The following MTA3 variants were observed in gnomAD, a reference collection of about 807,000 sequenced individuals.
MTA3 encodes metastasis associated 1 family member 3, also known as metastasis-associated protein MTA3.
MTA3 carries 34 observed loss-of-function variants against 83.5 expected under a neutral mutation model. The ratio of observed to expected loss-of-function variants is 0.41; its 90% CI spans 0.31 to 0.54. The LOEUF is 0.54. Among genes scored for constraint, MTA3 ranks in the 20% least tolerant of loss-of-function variants. The pLI is 0.33. For synonymous variants in MTA3, 303 were observed against 252.7 expected (o/e 1.20, Z -1.89); for missense variants, 761 against 726.4 (o/e 1.05, Z -0.55).
intron 4 of MTA3, among the ~76,000 whole-genome samples, chr2:42,639,178 A>C (rs915166129): frequency 2.0e-5 from 3 of 151,200 alleles, no homozygotes; most frequent in African/African-American, 7.3e-5. Context: ...CTCCTGCCTC[A>C]GCCCCCTGAG....
intron 2 of MTA3, among the ~76,000 whole-genome samples, chr2:42,503,798 C>T (rs1674503078): frequency 6.6e-6 from 1 of 151,952 alleles, no homozygotes; most frequent in South Asian, 2.1e-4. Context: ...TCCCTTTGGC[C>T]CAGGAGTTCG....
chr2:42,622,088 AC>A (rs1384745848), intron 4 of MTA3, among the ~76,000 whole-genome samples: 1 of 152,158 alleles, frequency 6.6e-6, no homozygotes, highest in Non-Finnish European at 1.5e-5. Context: ...AGCCGAGATC[AC>A]GCCACTGCAC....
intron 2 of MTA3, among the ~76,000 whole-genome samples, chr2:42,508,659 A>G (rs1674750114): frequency 6.6e-6 from 1 of 151,530 alleles, no homozygotes; most frequent in Non-Finnish European, 1.5e-5. Flanking sequence ...ATGATGTGCC[A>G]ATAACGTAGT....
In MTA3 at chr2:42,504,429, T is replaced by C. The variant is rs531021002; in HGVS notation, c.-141+9175T>C. Among the ~76,000 whole-genome samples the C allele has an allele frequency of 3.1e-3, 471 of 152,134 alleles. 1 individual carries two copies. Among genetic ancestry groups the C allele is most frequent in the Non-Finnish European group, 4.0e-3 (275 of 67,984 alleles). The stretch of plus-strand genomic sequence containing the variant: ...TAATATTTTGTATTTTTAGTAGAGA[T>C]GGCGTTTCGCCATGTTGACCATGCT... On this transcript the variant is annotated intron_variant, in intron 2 of 17. Transcript: ENST00000405592.
chr2:42,603,659 T>C (rs1445523990), intron 3 of MTA3, among the ~76,000 whole-genome samples: 1 of 152,220 alleles, frequency 6.6e-6, no homozygotes, highest in Non-Finnish European at 1.5e-5. Context: ...TTGGTTTTCA[T>C]TTAATATGTA....
intron 16 of MTA3, among the ~76,000 whole-genome samples, chr2:42,751,865 CACTT>C (rs1259728936): frequency 2.0e-5 from 3 of 152,306 alleles, no homozygotes; most frequent in Admixed American, 1.3e-4. Context: ...GAGACGCTGA[CACTT>C]ACATAACCTT....
intron 8 of MTA3, among the ~76,000 whole-genome samples, chr2:42,667,056 A>G (rs1251804800): frequency 6.6e-6 from 1 of 152,098 alleles, no homozygotes; most frequent in Non-Finnish European, 1.5e-5. Context: ...TTTTAAGCAT[A>G]CCATGCATGC....
chr2:42,553,780 A>G (rs1677238912), intron 2 of MTA3, among the ~76,000 whole-genome samples: 1 of 151,004 alleles, frequency 6.6e-6, no homozygotes, highest in Admixed American at 6.6e-5. Flanking sequence ...AGCATCATGC[A>G]TACTTGAGAC....
At chr2:42,746,922 T>G (rs762892986) in intron 16 of MTA3, among the ~76,000 whole-genome samples, 5 of 151,628 alleles carry the variant, frequency 3.3e-5, no homozygotes, top group Non-Finnish European at 5.9e-5. Context: ...TGTAGAAATG[T>G]GATTGGACAA....
chr2:42,531,429 G>A (rs1479138338), intron 2 of MTA3, among the ~76,000 whole-genome samples: 5 of 142,434 alleles, frequency 3.5e-5, no homozygotes, highest in African/African-American at 1.3e-4. Flanking sequence ...TTTTTAGTAG[G>A]ATTCAGAAGC....
chr2:42,559,728 T>G (rs958897211), intron 2 of MTA3, among the ~76,000 whole-genome samples: 18 of 146,120 alleles, frequency 1.2e-4, no homozygotes, highest in Non-Finnish European at 2.2e-4. Context: ...AACACAAAAT[T>G]AGCCAGGCGT....
intron 2 of MTA3, among the ~76,000 whole-genome samples, chr2:42,496,535 G>A (rs531078831): frequency 9.7e-5 from 14 of 144,042 alleles, no homozygotes; most frequent in Middle Eastern, 3.8e-3. Flanking sequence ...TAAATCTTTA[G>A]AATGCATTAC....
At chr2:42,750,325 T>C (rs1669777697) in intron 16 of MTA3, among the ~76,000 whole-genome samples, 2 of 152,272 alleles carry the variant, frequency 1.3e-5, no homozygotes, top group Admixed American at 6.5e-5. Context: ...CTCTGTTTCT[T>C]CTCTCTGTTT....
rs145764943 is a variant in MTA3 at position 42,682,994 on chromosome 2, C to T, written c.891+405C>T. On this transcript the variant is annotated intron_variant, in intron 9 of 16. Coordinates refer to ENST00000405094, the MANE Select transcript of MTA3 (RefSeq NM_001330442.2). ...GGCTGAGAAAGGAGAATCTCTTGAA[C>T]CCGGAGGTGGAGGTTTCAGTGAGCC... 3.7e-3 allele frequency among the ~76,000 whole-genome samples: 559 copies of T among 152,242 alleles called. 2 individuals carry two copies. The highest frequency in any genetic ancestry group is 7.1e-3 in the Admixed American group (109 of 15,286).
At chr2:42,644,308 GTCCT>G in intron 6 of MTA3, 64 bp downstream of exon 6, 5 of 1,062,870 alleles carry the variant, frequency 4.7e-6, no homozygotes, top group Non-Finnish European at 7.0e-6. Flanking sequence ...AAATATACAT[GTCCT>G]CATGTAGAAG....
At chr2:42,564,688 G>A (rs1436827712), upstream of MTA3, among the ~76,000 whole-genome samples, 1 of 152,166 alleles carries the variant, frequency 6.6e-6, no homozygotes, top group Non-Finnish European at 1.5e-5. Context: ...CCTGGCCTCT[G>A]GTTTCAGATT....
Position 42,720,318 on chromosome 2 carries a change from G to C in MTA3, c.1612+1244G>C, listed in dbSNP as rs1038206489. On this transcript the variant is annotated intron_variant, in intron 15 of 16. Transcript: ENST00000405094. ...CTGCCTCAGCCTCCTGAGTAGGTGG[G>C]ACTACAGGCATCCGCCACCACGTCC... is the stretch of plus-strand genomic sequence containing the variant. Among the ~76,000 whole-genome samples the C allele has an allele frequency of 2.6e-5, 4 of 152,188 alleles. No individual in the cohort carries two copies. In the East Asian group the frequency reaches 5.8e-4, roughly 22 times the overall value.
intron 2 of MTA3, among the ~76,000 whole-genome samples, chr2:42,532,348 A>G (rs1676017988): frequency 6.6e-6 from 1 of 152,140 alleles, no homozygotes; most frequent in Non-Finnish European, 1.5e-5. Flanking sequence ...CATCTCTACT[A>G]AAAACACAAA....
rs114929293 is a variant in MTA3, at chr2:42,610,091, C to A, written c.317+507C>A. Among the ~76,000 whole-genome samples, 281 of 152,200 alleles carry A rather than the reference C, an allele frequency of 1.8e-3. 2 individuals are homozygous for A. The highest frequency in any genetic ancestry group is 6.4e-3 in the African/African-American group (267 of 41,512). ...CTCCAGCCTGGATGACAGAGTGACACTCTGTCTTTAAAAACAAACGAAAAA... is the reference window on the plus strand; with the variant it reads ...CTCCAGCCTGGATGACAGAGTGACAATCTGTCTTTAAAAACAAACGAAAAA... On this transcript the variant is annotated intron_variant, in intron 4 of 16. Coordinates refer to ENST00000405094, the MANE Select transcript of MTA3 (RefSeq NM_001330442.2).
Sources: gnomAD v4.1 joint callset for allele counts (sites outside exome capture counted in the v4.1 genomes callset) on GRCh38, gnomAD v4.1.1 for gene constraint, MANE v1.5 for transcripts, NCBI Gene and HGNC (gene_info 2026-07-23, HGNC 2026-07-21) for gene names.